Variants in ESR1 observed in about 807,000 individuals in gnomAD.
ESR1 encodes estrogen receptor.
Under a neutral mutation model 52.7 loss-of-function variants are expected in ESR1, and 12 were observed. That is an observed-to-expected ratio of 0.23 (90% CI 0.15 to 0.37). The LOEUF is 0.37. Among genes scored for constraint, ESR1 ranks in the 10% least tolerant of loss-of-function variants. The probability of loss-of-function intolerance (pLI) is 1.00; values close to 1 mark genes in which losing one functional copy is unlikely to be tolerated. For synonymous variants in ESR1, 305 were observed against 316.8 expected, an observed-to-expected ratio of 0.96 and a Z score of 0.39; for missense variants, 584 against 779.7, an observed-to-expected ratio of 0.75 and a Z score of 2.99.
chr6:151,915,378 G>T (rs1487647392), intron 3 of ESR1, among the ~76,000 whole-genome samples: 1 of 152,070 alleles, frequency 6.6e-6, no homozygotes, highest in Non-Finnish European at 1.5e-5. Context: ...TATGAATAAG[G>T]TCTATGTTTT....
chr6:152,126,316 G>A (rs971380796), exon 7 of ESR1: 4 of 152,146 alleles, frequency 2.6e-5, no homozygotes, highest in Admixed American at 6.5e-5. Context: ...TTGTTCTAGC[G>A]ATTTTAGTAT....
chr6:152,098,774 C>T lies in ESR1; in HGVS notation c.1596C>T (p.Asn532=), dbSNP rs748737072. ...MEHLYSMKCK[N]VVPLYDLLLE... ...ATCTGTACAGCATGAAGTGCAAGAA[C>T]GTGGTGCCCCTCTATGACCTGCTGC... The change falls in exon 8 of 8, where the codon AAC becomes AAT. Residue 532 remains asparagine, a synonymous_variant. Coordinates refer to ENST00000206249, the MANE Select transcript of ESR1 (RefSeq NM_000125.4). The surrounding 1 kb of genome is among the most constrained non-coding windows in gnomAD (Gnocchi z 5.1). The T allele has an allele frequency of 1.9e-5, 30 of 1,614,078 alleles. No individual in the cohort carries two copies. Among genetic ancestry groups the T allele is most frequent in the Admixed American group, 1.2e-4 (7 of 60,006 alleles).
chr6:151,889,844 T>C (rs1175533772), intron 3 of ESR1, among the ~76,000 whole-genome samples: 1 of 152,210 alleles, frequency 6.6e-6, no homozygotes, highest in Non-Finnish European at 1.5e-5. Flanking sequence ...TGGTATGTTG[T>C]GTGTCCATTT....
chr6:151,997,806 A>G (rs1412665585), intron 4 of ESR1, among the ~76,000 whole-genome samples: 1 of 152,124 alleles, frequency 6.6e-6, no homozygotes, highest in Non-Finnish European at 1.5e-5. Context: ...GAAGAGAAAA[A>G]ACACAGAAAT....
At chr6:152,014,380 T>C (rs982998190) in intron 5 of ESR1, among the ~76,000 whole-genome samples, 4 of 152,130 alleles carry the variant, frequency 2.6e-5, no homozygotes, top group Admixed American at 6.5e-5. Flanking sequence ...TCTACCTATC[T>C]TCTGTTGTGT....
At chr6:152,080,434 T>C (rs1355459559) in intron 6 of ESR1, among the ~76,000 whole-genome samples, 1 of 152,112 alleles carries the variant, frequency 6.6e-6, no homozygotes, top group East Asian at 1.9e-4. Context: ...AATAAAATCC[T>C]TTACAGACAA....
chr6:151,889,204 T>C (rs1385092743), intron 3 of ESR1, among the ~76,000 whole-genome samples: 3 of 152,164 alleles, frequency 2.0e-5, no homozygotes, highest in Non-Finnish European at 2.9e-5. Context: ...AAGTATTCCC[T>C]CCTCTTCAAT....
At position 152,061,033 on chromosome 6, in the gene ESR1, C is replaced by T. The variant is rs2128957899; in HGVS notation, c.1278C>T (p.Asp426=). Residue 426 remains aspartate (D), a synonymous_variant, in exon 6 of 8, where the codon GAC becomes GAT. Transcript: ENST00000206249. The surrounding 1 kb of genome is among the most constrained non-coding windows in gnomAD (Gnocchi z 4.3). The stretch of plus-strand genomic sequence containing the variant: ...TAGAGGGCATGGTGGAGATCTTCGA[C>T]ATGCTGCTGGCTACATCATCTCGGT... ...KCVEGMVEIF[D]MLLATSSRFR... 2 of 1,612,436 alleles carry T rather than the reference C, an allele frequency of 1.2e-6. No homozygotes were observed. The highest frequency in any genetic ancestry group is 1.7e-6 in the Non-Finnish European group (2 of 1,178,936).
intron 1 of ESR1, among the ~76,000 whole-genome samples, chr6:151,658,912 G>A (rs1777544208): frequency 6.6e-6 from 1 of 152,172 alleles, no homozygotes. Context: ...ATTGCATGTG[G>A]GCATAGATGA....
intron 5 of ESR1, among the ~76,000 whole-genome samples, chr6:152,023,996 T>C (rs2043915344): frequency 6.6e-6 from 1 of 152,224 alleles, no homozygotes; most frequent in African/African-American, 2.4e-5. Flanking sequence ...CATTCACTTA[T>C]ATTTTCTTCT....
At chr6:151,801,501 A>G (rs779238680), upstream of ESR1, among the ~76,000 whole-genome samples, 1 of 152,218 alleles carries the variant, frequency 6.6e-6, no homozygotes, top group African/African-American at 2.4e-5. Flanking sequence ...GTCTTCATCA[A>G]GTCCTGGGTG....
chr6:151,926,892 A>G (rs577287791), intron 3 of ESR1, among the ~76,000 whole-genome samples: 8 of 152,278 alleles, frequency 5.3e-5, no homozygotes, highest in Admixed American at 5.2e-4. Context: ...AATGTATAAT[A>G]GGAGGAATGA....
chr6:152,071,996 T>A (rs930740861), intron 6 of ESR1, among the ~76,000 whole-genome samples: 1 of 152,126 alleles, frequency 6.6e-6, no homozygotes, highest in African/African-American at 2.4e-5. Flanking sequence ...TTACCAAGAG[T>A]GTATGAAAGC....
chr6:152,084,748 A>T (rs1004782743), intron 6 of ESR1, among the ~76,000 whole-genome samples: 4 of 151,542 alleles, frequency 2.6e-5, no homozygotes, highest in African/African-American at 9.7e-5. Context: ...ACTCTTTTTC[A>T]GACAAAGTTC....
chr6:152,025,717 GCTTT>G (rs1182258109), intron 5 of ESR1, among the ~76,000 whole-genome samples: 1 of 151,746 alleles, frequency 6.6e-6, no homozygotes, highest in Non-Finnish European at 1.5e-5. Context: ...CTAGTTTTCT[GCTTT>G]CTAACTCATT....
intron 5 of ESR1, among the ~76,000 whole-genome samples, chr6:152,033,812 A>G (rs2044988903): frequency 6.6e-6 from 1 of 152,234 alleles, no homozygotes. Context: ...CCAAAGGATT[A>G]TAAATCATGC....
intron 2 of ESR1, among the ~76,000 whole-genome samples, chr6:151,863,664 G>C (rs1206972296): frequency 6.6e-6 from 1 of 152,038 alleles, no homozygotes; most frequent in Non-Finnish European, 1.5e-5. Flanking sequence ...GCCCTGTCCA[G>C]AACTTCCAAC....
At chr6:152,038,762 C>A (rs2045536061) in intron 5 of ESR1, among the ~76,000 whole-genome samples, 1 of 152,050 alleles carries the variant, frequency 6.6e-6, no homozygotes, top group African/African-American at 2.4e-5. Flanking sequence ...TCCCGAGTAG[C>A]TGGGATTACA....
chr6:151,980,218 C>T (rs898594618), intron 4 of ESR1, among the ~76,000 whole-genome samples: 6 of 152,168 alleles, frequency 3.9e-5, no homozygotes, highest in Admixed American at 2.0e-4. Context: ...TGGTAAGCTA[C>T]ATTCCAATTT....
Sources: gnomAD v4.1 joint callset for allele counts (sites outside exome capture counted in the v4.1 genomes callset) on GRCh38, gnomAD v4.1.1 for gene constraint, Gnocchi (gnomAD v3.1) non-coding constraint, MANE v1.5 for transcripts, NCBI Gene and HGNC (gene_info 2026-07-23, HGNC 2026-07-21) for gene names.